PEDS1: variants seen among roughly 807,000 people sequenced by gnomAD.
PEDS1 encodes plasmanylethanolamine desaturase 1, also known as CarF homolog.
In PEDS1, 14 loss-of-function variants were observed where a neutral mutation model predicts 35.2. The observed-to-expected ratio is 0.40, with a 90% CI of 0.26 to 0.62. PEDS1 has a LOEUF of 0.62. Ranked by LOEUF, PEDS1 falls within the 20% of genes least tolerant of loss-of-function variation. The pLI is 0.44. For synonymous variants in PEDS1, 152 were observed against 152.0 expected (o/e 1.00, Z 0.00); for missense variants, 260 against 367.8 (o/e 0.71, Z 2.40).
At chr20:50,131,146 G>C (rs2081174735) in intron 2 of PEDS1, 199 bp from the exon 3 acceptor site, 1 of 1,359,594 alleles carries the variant, frequency 7.4e-7, no homozygotes, top group African/African-American at 1.4e-5. Context: ...TGCTCGGGGA[G>C]ATGCCAAGAC....
intron 1 of PEDS1, among the ~76,000 whole-genome samples, chr20:50,147,083 G>C (rs1440758264): frequency 6.6e-6 from 1 of 152,162 alleles, no homozygotes; most frequent in Non-Finnish European, 1.5e-5. Context: ...GCAGGGACAG[G>C]AAGTGGGCAG....
At chr20:50,139,284 C>T (rs931143306) in intron 2 of PEDS1, among the ~76,000 whole-genome samples, 1 of 152,168 alleles carries the variant, frequency 6.6e-6, no homozygotes, top group Non-Finnish European at 1.5e-5. Context: ...CCCTTCTCCA[C>T]GTGGAACAAA....
chr20:50,136,857 C>T (rs567262434), intron 2 of PEDS1, among the ~76,000 whole-genome samples: 4 of 151,930 alleles, frequency 2.6e-5, no homozygotes, highest in African/African-American at 9.7e-5. Context: ...GGCAACACAG[C>T]GAAACCCTGT....
At chr20:50,151,273 G>T in intron 1 of PEDS1, 1 of 1,304,338 alleles carries the variant, frequency 7.7e-7, no homozygotes, top group Non-Finnish European at 1.0e-6. Context: ...GCTGTCTGCA[G>T]ACTCTGATTC....
Position 50,121,663 on chromosome 20 carries a change from GAGA to G in PEDS1, c.*3392_*3394del, listed in dbSNP as rs983389076. 6.6e-6 allele frequency: 1 copy of G among 152,172 alleles called. No homozygotes were observed. The highest frequency in any genetic ancestry group is 2.4e-5 in the African/African-American group (1 of 41,424). The allele number at this position is 152,172 out of a possible 1,614,324, so 9.4% of individuals were successfully genotyped here. On this transcript the variant is annotated 3_prime_UTR_variant, in exon 6 of 6. Coordinates refer to ENST00000371652, the MANE Select transcript of PEDS1 (RefSeq NM_199129.4). ...CCAATGCAGCGCACCTTCTGGTTTT[GAGA>G]AGGATTTTTTTCCAGCCCCCAGAAT...
In PEDS1 at chr20:50,125,251, T is replaced by C. The variant is rs2081087617; in HGVS notation, c.692-72A>G. The C allele has an allele frequency of 1.9e-6, 3 of 1,574,160 alleles. No homozygotes were observed. The South Asian group carries it at 3.4e-5, about 18-fold the overall frequency. ...AGGGGACATTGGAAGAGAGCTGACC[T>C]TCACTGGGCTGGAGGGGCCCAATGA... On this transcript the variant is annotated intron_variant, in intron 5 of 5. Transcript: ENST00000371652.
intron 5 of PEDS1, among the ~76,000 whole-genome samples, chr20:50,126,061 T>C (rs968088460): frequency 1.7e-4 from 26 of 152,266 alleles, no homozygotes; most frequent in Admixed American, 1.2e-3. Context: ...TATGATAACC[T>C]GTAACCATCT....
chr20:50,152,972 G>A (rs1365743643), intron 1 of PEDS1, among the ~76,000 whole-genome samples: 1 of 152,118 alleles, frequency 6.6e-6, no homozygotes, highest in Non-Finnish European at 1.5e-5. Flanking sequence ...AGGGTTCCCT[G>A]GGCAGAGGGG....
intron 2 of PEDS1, among the ~76,000 whole-genome samples, chr20:50,139,122 C>T (rs1007525945): frequency 1.3e-5 from 2 of 152,178 alleles, no homozygotes; most frequent in African/African-American, 2.4e-5. Context: ...CCACTTCCAG[C>T]CACAGGACGG....
At chr20:50,145,125 C>A (rs796888487) in intron 1 of PEDS1, among the ~76,000 whole-genome samples, 2 of 152,114 alleles carry the variant, frequency 1.3e-5, no homozygotes, top group African/African-American at 4.8e-5. Context: ...TCACTTGAAT[C>A]TGGGAGGTGG....
chr20:50,131,160 T>C (rs55894522), intron 2 of PEDS1: 271,529 of 1,204,336 alleles, frequency 0.23, 32,512 homozygotes, highest in Admixed American at 0.35. Context: ...CCAAGACTCA[T>C]GTGCTTGGAG....
chr20:50,134,860 G>T (rs1344591575), intron 2 of PEDS1, among the ~76,000 whole-genome samples: 1 of 152,200 alleles, frequency 6.6e-6, no homozygotes, highest in African/African-American at 2.4e-5. Flanking sequence ...TACCTACACA[G>T]AATATAAGAG....
At chr20:50,135,940 T>TG (rs1233444034) in intron 2 of PEDS1, among the ~76,000 whole-genome samples, 15 of 152,220 alleles carry the variant, frequency 9.9e-5, no homozygotes, top group African/African-American at 1.7e-4. Flanking sequence ...ACCATCTGGA[T>TG]GTACAATGAT....
rs532280371 is a variant in PEDS1, at chr20:50,150,678, G to C, written c.121+2839C>G. ...TTATGGCCCGGCTATTTACTAAAAT[G>C]CCAGCTCCGTTTTTTTCTTTTTCTT... On this transcript the variant is annotated intron_variant, in intron 1 of 5. Coordinates refer to ENST00000371652, the MANE Select transcript of PEDS1 (RefSeq NM_199129.4). Among the ~76,000 whole-genome samples the C allele has an allele frequency of 9.2e-5, 14 of 151,480 alleles. No homozygotes were observed. In the South Asian group the frequency reaches 2.7e-3, roughly 29 times the overall value.
intron 2 of PEDS1, among the ~76,000 whole-genome samples, chr20:50,141,988 G>A (rs1601226115): frequency 6.6e-6 from 1 of 152,148 alleles, no homozygotes; most frequent in Non-Finnish European, 1.5e-5. Flanking sequence ...CTTCAGTCTT[G>A]GAGCCGGGGA....
At position 50,134,495 on chromosome 20, in the gene PEDS1, C is replaced by T. The variant is rs148840640; in HGVS notation, c.242-3548G>A. Reference sequence around the variant, plus strand: ...CTGGGAGGCGGAGGTTGCGGTGAGCCGAGATTTCGCCATTGCACTCCAGGC... The same window carrying T: ...CTGGGAGGCGGAGGTTGCGGTGAGCTGAGATTTCGCCATTGCACTCCAGGC... On this transcript the variant is annotated intron_variant, in intron 2 of 5. Coordinates refer to ENST00000371652, the MANE Select transcript of PEDS1 (RefSeq NM_199129.4). Among the ~76,000 whole-genome samples the T allele has an allele frequency of 2.4e-3, 364 of 151,810 alleles. 1 individual carries two copies. The highest frequency in any genetic ancestry group is 4.2e-3 in the Non-Finnish European group (288 of 67,920).
chr20:50,153,678 G>C lies in PEDS1; in HGVS notation c.-41C>G, dbSNP rs553325520. On this transcript the variant is annotated 5_prime_UTR_variant, in exon 1 of 6. Transcript: ENST00000371652. Reference sequence around the variant, plus strand: ...CGGCCCGGTGCGCTCTGCTGGCGGCGGCGGCGGCAGGGCCGCGGAACCGCG... The same window carrying C: ...CGGCCCGGTGCGCTCTGCTGGCGGCCGCGGCGGCAGGGCCGCGGAACCGCG... 1 of 1,207,216 alleles carries C rather than the reference G, an allele frequency of 8.3e-7. No homozygotes were observed. The highest frequency in any genetic ancestry group is 4.1e-5 in the South Asian group (1 of 24,190). The allele number at this position is 1,207,216 out of a possible 1,614,324, so 74.8% of individuals were successfully genotyped here. A position where few individuals can be genotyped will look rare whatever the true frequency, so the allele number is the denominator to read the frequency against.
intron 1 of PEDS1, among the ~76,000 whole-genome samples, chr20:50,148,947 CAAAAAT>C (rs754570510): frequency 2.0e-5 from 3 of 151,882 alleles, no homozygotes; most frequent in Non-Finnish European, 4.4e-5. Context: ...CCTGCCTCTA[CAAAAAT>C]AAAAATAAAA....
intron 1 of PEDS1, among the ~76,000 whole-genome samples, chr20:50,147,781 G>A (rs2081360589): frequency 6.6e-6 from 1 of 152,212 alleles, no homozygotes; most frequent in African/African-American, 2.4e-5. Context: ...ATGGCCGGGT[G>A]TGGTGGCTCA....
Sources: gnomAD v4.1 joint callset for allele counts (sites outside exome capture counted in the v4.1 genomes callset) on GRCh38, gnomAD v4.1.1 for gene constraint, MANE v1.5 for transcripts, NCBI Gene and HGNC (gene_info 2026-07-23, HGNC 2026-07-21) for gene names.